The following ZNF680 variants were observed in gnomAD, a reference collection of about 807,000 sequenced individuals.
The protein encoded by ZNF680 is zinc finger protein 680.
A neutral mutation model predicts 12.1 loss-of-function variants in ZNF680; 6 were observed. The observed-to-expected ratio is 0.49, with a 90% CI of 0.27 to 0.98. The LOEUF (loss-of-function observed/expected upper bound fraction) is 0.98, where lower values mean the gene tolerates loss of function less well. Among genes scored for constraint, ZNF680 ranks in the 50% least tolerant of loss-of-function variants. The pLI is 0.12. For synonymous variants in ZNF680, 170 were observed against 199.3 expected (o/e 0.85, Z 1.24); for missense variants, 561 against 616.3 (o/e 0.91, Z 0.95).
chr7:64,554,226 G>A lies in ZNF680; in HGVS notation c.30+8699C>T, dbSNP rs548366570. Reference sequence around the variant, plus strand: ...CGTCTGAGATGTGAAGAGCGCCTCTGCCCGGCCGCGACCCCGTCTGGGAAC... The same window carrying A: ...CGTCTGAGATGTGAAGAGCGCCTCTACCCGGCCGCGACCCCGTCTGGGAAC... On this transcript the variant is annotated intron_variant, in intron 1 of 3. Transcript: ENST00000309683. Among the ~76,000 whole-genome samples the A allele has an allele frequency of 7.7e-4, 105 of 136,644 alleles. No homozygotes were observed. The Middle Eastern group carries it at 0.017, about 23-fold the overall frequency. 89.6% of individuals were successfully genotyped at this position (136,644 alleles called of 152,430 possible).
At chr7:64,512,245 C>G in the ZNF680 span, among the ~76,000 whole-genome samples, 6 of 151,422 alleles carry the variant, frequency 4.0e-5, no homozygotes, top group African/African-American at 1.5e-4. Context: ...GTCAAGAGAT[C>G]GAGATCATCC....
chr7:64,512,204 C>T, the ZNF680 span, among the ~76,000 whole-genome samples: 56 of 151,874 alleles, frequency 3.7e-4, no homozygotes, highest in African/African-American at 1.0e-3. Context: ...AATCCCAGCA[C>T]TTTGGGAGGT....
chr7:64,542,280 G>A (rs1288045073), intron 3 of ZNF680, among the ~76,000 whole-genome samples: 1 of 152,122 alleles, frequency 6.6e-6, no homozygotes. Context: ...TTAAAGAGGT[G>A]TTTGCTCCTT....
intron 3 of ZNF680, among the ~76,000 whole-genome samples, chr7:64,528,234 A>G (rs1785660542): frequency 6.6e-6 from 1 of 152,226 alleles, no homozygotes; most frequent in South Asian, 2.1e-4. Flanking sequence ...CACGAGAAAA[A>G]CACCACAGGG....
intron 3 of ZNF680, among the ~76,000 whole-genome samples, chr7:64,529,861 T>C (rs936392254): frequency 1.3e-5 from 2 of 152,122 alleles, no homozygotes; most frequent in Non-Finnish European, 2.9e-5. Flanking sequence ...TTATCTAAAG[T>C]TAAGACAAGG....
chr7:64,551,045 A>G (rs6460159), intron 1 of ZNF680, among the ~76,000 whole-genome samples: 48,507 of 152,088 alleles, frequency 0.32, 8,791 homozygotes, highest in African/African-American at 0.48. Flanking sequence ...GATTGCAAAG[A>G]CAGAAAGATG....
At chr7:64,543,824 AC>A (rs754302853) in intron 2 of ZNF680, 22 bp from the exon 3 acceptor site, 3 of 1,600,624 alleles carry the variant, frequency 1.9e-6, no homozygotes. Flanking sequence ...AAAATAAATA[AC>A]ATGAATCTTG....
chr7:64,543,252 G>A (rs1171567538), intron 3 of ZNF680, among the ~76,000 whole-genome samples: 4 of 151,912 alleles, frequency 2.6e-5, no homozygotes, highest in African/African-American at 4.8e-5. Flanking sequence ...ACTATATTTC[G>A]ACTATCAAAA....
In ZNF680 at chr7:64,544,620, C is replaced by A. The variant is rs547860706; in HGVS notation, c.31-188G>T. 2.6e-5 allele frequency among the ~76,000 whole-genome samples: 4 copies of A among 152,236 alleles called. No individual in the cohort carries two copies. In the South Asian group the frequency reaches 6.2e-4, roughly 24 times the overall value. On this transcript the variant is annotated intron_variant, in intron 1 of 3. Coordinates refer to ENST00000309683, the MANE Select transcript of ZNF680 (RefSeq NM_178558.5). The stretch of plus-strand genomic sequence containing the variant: ...ATGCAGAAATATTCTCTAATATATT[C>A]TTTAACTCAGATAAGAGAACAGCAT...
chr7:64,532,394 A>T (rs1785935514), intron 3 of ZNF680, among the ~76,000 whole-genome samples: 1 of 152,172 alleles, frequency 6.6e-6, no homozygotes, highest in Admixed American at 6.6e-5. Context: ...ACATTAATAC[A>T]AAAGATCATT....
chr7:64,510,006 C>A, the ZNF680 span, among the ~76,000 whole-genome samples: 1 of 139,218 alleles, frequency 7.2e-6, no homozygotes, highest in Admixed American at 7.8e-5. Context: ...ACTAAAGCTC[C>A]TTTAACCGTA....
At chr7:64,543,827 T>C in intron 2 of ZNF680, 25 bp from the exon 3 acceptor site, 1 of 1,596,628 alleles carries the variant, frequency 6.3e-7, no homozygotes, top group Non-Finnish European at 8.6e-7. Context: ...ATAAATAACA[T>C]GAATCTTGCT....
At chr7:64,556,313 C>A (rs981279154) in intron 1 of ZNF680, among the ~76,000 whole-genome samples, 7 of 110,244 alleles carry the variant, frequency 6.3e-5, no homozygotes, top group Admixed American at 2.5e-4. Context: ...CGAAAAAAAA[C>A]CAAAAACCTG....
chr7:64,510,023 TA>T, the ZNF680 span, among the ~76,000 whole-genome samples: 9,194 of 105,826 alleles, frequency 0.087, 331 homozygotes, highest in East Asian at 0.19. Flanking sequence ...CGTAAAACTC[TA>T]AAAAAAAAAA....
chr7:64,562,826 G>T, intron 1 of ZNF680, 99 bp downstream of exon 1: 1 of 1,409,210 alleles, frequency 7.1e-7, no homozygotes, highest in South Asian at 1.2e-5. Context: ...CGCGGATTTT[G>T]GAGCCCAGTG....
chr7:64,556,259 T>TG (rs1787408352), intron 1 of ZNF680, among the ~76,000 whole-genome samples: 1 of 88,498 alleles, frequency 1.1e-5, no homozygotes, highest in African/African-American at 3.6e-5. Context: ...TTCACGGAAC[T>TG]AAAAAAAAAA....
chr7:64,530,560 G>A (rs1785805623), intron 3 of ZNF680, among the ~76,000 whole-genome samples: 2 of 152,118 alleles, frequency 1.3e-5, no homozygotes, highest in South Asian at 4.1e-4. Flanking sequence ...AGTTTAAAAA[G>A]ACAAAGAGGG....
chr7:64,557,244 C>T (rs2116557637), intron 1 of ZNF680, among the ~76,000 whole-genome samples: 2 of 148,684 alleles, frequency 1.3e-5, no homozygotes, highest in East Asian at 4.0e-4. Flanking sequence ...GAGCGAGACA[C>T]TGTCTCAAAA....
At chr7:64,523,303 T>A (rs116907676) in intron 3 of ZNF680, among the ~76,000 whole-genome samples, 1,653 of 152,216 alleles carry the variant, frequency 0.011, 13 homozygotes, top group Non-Finnish European at 0.019. Flanking sequence ...GGAAGTTAAT[T>A]TTTCTACCAG....
Sources: gnomAD v4.1 joint callset for allele counts (sites outside exome capture counted in the v4.1 genomes callset) on GRCh38, gnomAD v4.1.1 for gene constraint, MANE v1.5 for transcripts, NCBI Gene and HGNC (gene_info 2026-07-23, HGNC 2026-07-21) for gene names.